Variants in GASK1A observed in about 807,000 individuals in gnomAD.
GASK1A encodes the protein golgi associated kinase 1A.
Under a neutral mutation model 41.2 loss-of-function variants are expected in GASK1A, and 40 were observed. That is an observed-to-expected ratio of 0.97 (90% CI 0.75 to 1.27). The LOEUF (loss-of-function observed/expected upper bound fraction) is 1.27, where lower values mean the gene tolerates loss of function less well. Ranked by LOEUF, GASK1A falls within the 50% of genes most tolerant of loss-of-function variation. GASK1A has a pLI of 0.00. For missense variants in GASK1A, 678 were observed against 745.1 expected, an observed-to-expected ratio of 0.91 and a Z score of 1.05; for synonymous variants, 316 against 307.1, an observed-to-expected ratio of 1.03 and a Z score of -0.30.
At chr3:43,049,229 T>C (rs898732145) in intron 2 of GASK1A, among the ~76,000 whole-genome samples, 2 of 152,198 alleles carry the variant, frequency 1.3e-5, no homozygotes, top group South Asian at 4.1e-4. Flanking sequence ...AAATTTCTAA[T>C]GTCTGCAACT....
intron 1 of GASK1A, among the ~76,000 whole-genome samples, chr3:43,002,119 G>T (rs184947483): frequency 5.9e-5 from 9 of 152,246 alleles, no homozygotes; most frequent in Admixed American, 2.6e-4. Context: ...AGGTAGGTCC[G>T]CATTCAAACA....
chr3:42,985,885 A>C (rs528768456), intron 1 of GASK1A, among the ~76,000 whole-genome samples: 1 of 152,192 alleles, frequency 6.6e-6, no homozygotes, highest in Non-Finnish European at 1.5e-5. Context: ...AGGAACTCTC[A>C]TACATGAAAG....
chr3:43,014,034 A>C (rs575343194), intron 1 of GASK1A, among the ~76,000 whole-genome samples: 1 of 148,922 alleles, frequency 6.7e-6, no homozygotes, highest in African/African-American at 2.4e-5. Context: ...GGTAGTGTGA[A>C]GTCACAGGAA....
chr3:43,055,631 C>A, intron 4 of GASK1A, 96 bp downstream of exon 4: 1 of 831,394 alleles, frequency 1.2e-6, no homozygotes. Flanking sequence ...CTGAGAAGCC[C>A]ACAGTCCATC....
rs556520124 is a variant in GASK1A at position 43,049,701 on chromosome 3, A to G, written c.1291-3820A>G. Among the ~76,000 whole-genome samples, 60 of 100,352 alleles carry G rather than the reference A, an allele frequency of 6.0e-4. 1 individual carries two copies. In the South Asian group the frequency reaches 0.014, roughly 24 times the overall value. 65.8% of individuals were successfully genotyped at this position (100,352 alleles called of 152,430 possible). A position where few individuals can be genotyped will look rare whatever the true frequency, so the allele number is the denominator to read the frequency against. ...GTGCTTTCTCCATGTTTAACTGTAT[A>G]AAACAGAAAATAATGTTTGGGGACA... On this transcript the variant is annotated intron_variant, in intron 2 of 4. Transcript: ENST00000430121.
intron 2 of GASK1A, among the ~76,000 whole-genome samples, chr3:43,048,944 T>C (rs1444863909): frequency 6.6e-6 from 1 of 152,118 alleles, no homozygotes; most frequent in Non-Finnish European, 1.5e-5. Context: ...AGAGACTAAC[T>C]CTGGTTAACA....
chr3:43,024,560 G>A (rs1399454778), intron 1 of GASK1A, among the ~76,000 whole-genome samples: 2 of 152,178 alleles, frequency 1.3e-5, no homozygotes, highest in Non-Finnish European at 2.9e-5. Flanking sequence ...GGCACAAAAA[G>A]CATCTGCTGT....
intron 1 of GASK1A, among the ~76,000 whole-genome samples, chr3:43,014,189 G>A (rs138528561): frequency 6.6e-6 from 1 of 151,772 alleles, no homozygotes; most frequent in African/African-American, 2.4e-5. Context: ...GGAAGGGGCT[G>A]TGTGAAGTCA....
At chr3:43,022,507 C>G (rs1186326797) in intron 1 of GASK1A, among the ~76,000 whole-genome samples, 1 of 150,816 alleles carries the variant, frequency 6.6e-6, no homozygotes, top group African/African-American at 2.4e-5. Flanking sequence ...AAAAAAAAAC[C>G]AAGCCAACTT....
chr3:43,019,122 C>T (rs2089508728), intron 1 of GASK1A, among the ~76,000 whole-genome samples: 1 of 152,224 alleles, frequency 6.6e-6, no homozygotes. Flanking sequence ...GTAGTGAATG[C>T]TGAATCAATG....
At chr3:43,052,153 C>A (rs1218762836) in intron 2 of GASK1A, among the ~76,000 whole-genome samples, 1 of 152,162 alleles carries the variant, frequency 6.6e-6, no homozygotes, top group African/African-American at 2.4e-5. Flanking sequence ...GGGTCTGGAG[C>A]CCTTCCTAGG....
At chr3:43,034,334 G>T (rs1280622744) in intron 2 of GASK1A, among the ~76,000 whole-genome samples, 1 of 152,204 alleles carries the variant, frequency 6.6e-6, no homozygotes, top group African/African-American at 2.4e-5. Context: ...TCGAGGGGTA[G>T]TGTGGGAATC....
At position 43,040,880 on chromosome 3, in the gene GASK1A, C is replaced by CCG. The variant is rs1553615990; in HGVS notation, c.1290+7328_1290+7329insGC. Among the ~76,000 whole-genome samples, 19 of 124,580 alleles carry CCG rather than the reference C, an allele frequency of 1.5e-4. 3 individuals are homozygous for CCG. Among genetic ancestry groups the CCG allele is most frequent in the African/African-American group, 3.7e-4 (14 of 37,806 alleles). 81.7% of individuals were successfully genotyped at this position (124,580 alleles called of 152,430 possible). ...TATATCTCCCAATGCTATCCCTCCC[C>CCG]CCCGCCACAACAGTCCGCAGAGTGT... On this transcript the variant is annotated intron_variant, in intron 2 of 4. Transcript: ENST00000430121.
intron 1 of GASK1A, among the ~76,000 whole-genome samples, chr3:43,016,520 G>T (rs748138259): frequency 1.3e-5 from 2 of 151,542 alleles, no homozygotes; most frequent in Non-Finnish European, 2.9e-5. Flanking sequence ...GGAAGGGGCT[G>T]TGTGAGGTCA....
chr3:42,987,416 T>TAACAA (rs1276088096), intron 1 of GASK1A, among the ~76,000 whole-genome samples: 12 of 151,508 alleles, frequency 7.9e-5, no homozygotes, highest in Admixed American at 2.0e-4. Context: ...GTGGCGTGCC[T>TAACAA]GGGCACCTAA....
At chr3:43,017,668 G>C (rs1422785766) in intron 1 of GASK1A, among the ~76,000 whole-genome samples, 1 of 151,274 alleles carries the variant, frequency 6.6e-6, no homozygotes, top group East Asian at 1.9e-4. Flanking sequence ...AAAAGGCAGT[G>C]TGAAGTCACA....
chr3:43,056,464 T>C lies in GASK1A; in HGVS notation c.*78T>C. 7.6e-7 allele frequency: 1 copy of C among 1,319,410 alleles called. No individual in the cohort carries two copies. The highest frequency in any genetic ancestry group is 1.0e-6 in the Non-Finnish European group (1 of 980,766). The allele number at this position is 1,319,410 out of a possible 1,614,324, so 81.7% of individuals were successfully genotyped here. A position where few individuals can be genotyped will look rare whatever the true frequency, so the allele number is the denominator to read the frequency against. On this transcript the variant is annotated 3_prime_UTR_variant, in exon 5 of 5. Coordinates refer to ENST00000430121, the MANE Select transcript of GASK1A (RefSeq NM_001129908.3). ...TGGGCTCACTCATCTTGAGGACAAA[T>C]GGGAAAAGCCAGAAGCCAGAGGGGC...
intron 1 of GASK1A, among the ~76,000 whole-genome samples, chr3:43,001,610 G>A (rs1373802594): frequency 1.3e-5 from 2 of 152,166 alleles, no homozygotes; most frequent in Non-Finnish European, 2.9e-5. Context: ...AAAGAGGAGA[G>A]CTGTAATCCA....
intron 1 of GASK1A, among the ~76,000 whole-genome samples, chr3:43,019,644 T>G (rs2089511532): frequency 6.6e-6 from 1 of 152,060 alleles, no homozygotes; most frequent in South Asian, 2.1e-4. Flanking sequence ...GCCTAAGTAG[T>G]GATGAATCAG....
Sources: allele counts gnomAD v4.1 joint callset (sites outside exome capture counted in the v4.1 genomes callset), GRCh38; gene constraint gnomAD v4.1.1; transcripts MANE v1.5; gene names NCBI Gene and HGNC (gene_info 2026-07-23, HGNC 2026-07-21).